Variants in CPQ observed in about 807,000 individuals in gnomAD.
The protein encoded by CPQ is Ser-Met dipeptidase.
A neutral mutation model predicts 45.7 loss-of-function variants in CPQ; 37 were observed. That is an observed-to-expected ratio of 0.81 (90% CI 0.62 to 1.07). The LOEUF (loss-of-function observed/expected upper bound fraction) is 1.07. CPQ is among the 50% of genes least tolerant of loss of function. CPQ has a pLI of 0.00. For missense variants in CPQ, 537 were observed against 572.9 expected (o/e 0.94, Z 0.64); for synonymous variants, 186 against 205.8 (o/e 0.90, Z 0.82).
At chr8:97,059,794 A>T (rs1224874866) in intron 6 of CPQ, among the ~76,000 whole-genome samples, 1 of 152,158 alleles carries the variant, frequency 6.6e-6, no homozygotes, top group Non-Finnish European at 1.5e-5. Flanking sequence ...CACCTGACCA[A>T]ACAGCATCAC....
intron 3 of CPQ, among the ~76,000 whole-genome samples, chr8:96,864,240 G>A (rs1475950778): frequency 6.6e-6 from 1 of 151,972 alleles, no homozygotes; most frequent in Non-Finnish European, 1.5e-5. Context: ...GCTGACCTAG[G>A]CACCTAGTAT....
chr8:97,040,667 G>T (rs539219147), intron 6 of CPQ, among the ~76,000 whole-genome samples: 1 of 152,138 alleles, frequency 6.6e-6, no homozygotes, highest in Non-Finnish European at 1.5e-5. Flanking sequence ...TGTATAAGGT[G>T]TAAGGAAAGG....
At chr8:96,894,109 T>A (rs1586441374) in intron 4 of CPQ, among the ~76,000 whole-genome samples, 1 of 152,172 alleles carries the variant, frequency 6.6e-6, no homozygotes, top group African/African-American at 2.4e-5. Context: ...GACACTGACT[T>A]CTTCTGCTAT....
At chr8:97,094,669 C>T (rs1811182109) in intron 7 of CPQ, among the ~76,000 whole-genome samples, 1 of 152,126 alleles carries the variant, frequency 6.6e-6, no homozygotes, top group African/African-American at 2.4e-5. Context: ...CTCAAACTGG[C>T]AATTATTTAT....
intron 4 of CPQ, among the ~76,000 whole-genome samples, chr8:96,900,491 G>A (rs924237785): frequency 1.3e-5 from 2 of 152,144 alleles, no homozygotes; most frequent in African/African-American, 4.8e-5. Flanking sequence ...GGCAGAGATC[G>A]ATAGATAGTT....
intron 1 of CPQ, among the ~76,000 whole-genome samples, chr8:96,741,440 A>C (rs1810090306): frequency 6.6e-6 from 1 of 151,834 alleles, no homozygotes; most frequent in Admixed American, 6.6e-5. Flanking sequence ...CGGATTCGTT[A>C]ATTTTTTGAA....
In CPQ at chr8:97,022,147, T is replaced by C. The variant is rs914664200; in HGVS notation, c.962-7256T>C. Among the ~76,000 whole-genome samples the C allele has an allele frequency of 4.2e-4, 64 of 152,254 alleles. No individual in the cohort carries two copies. The Middle Eastern group carries it at 0.01, about 24-fold the overall frequency. ...GTAAAGTTGGGAAAGGACACCCTAT[T>C]CAACAAATGGTGCTGGGATAATTGG... On this transcript the variant is annotated intron_variant, in intron 5 of 7. Coordinates refer to ENST00000220763, the MANE Select transcript of CPQ (RefSeq NM_016134.4).
chr8:96,898,726 TG>T (rs1355630806), intron 4 of CPQ, among the ~76,000 whole-genome samples: 1 of 147,076 alleles, frequency 6.8e-6, no homozygotes, highest in Non-Finnish European at 1.5e-5. Context: ...TGTATATATA[TG>T]TAACTAACCT....
chr8:96,772,632 TAAG>T (rs1430906398), intron 1 of CPQ, among the ~76,000 whole-genome samples: 3 of 152,050 alleles, frequency 2.0e-5, no homozygotes, highest in African/African-American at 7.2e-5. Flanking sequence ...CAGGAGAGAT[TAAG>T]AAGGAGAGCA....
intron 2 of CPQ, 56 bp downstream of exon 2, chr8:96,785,386 G>A: frequency 7.4e-7 from 1 of 1,350,414 alleles, no homozygotes; most frequent in Non-Finnish European, 1.0e-6. Context: ...GTCCCTTGGT[G>A]TAATTGAGTA....
chr8:97,081,023 CAT>C (rs1379529376), intron 7 of CPQ, among the ~76,000 whole-genome samples: 1 of 150,970 alleles, frequency 6.6e-6, no homozygotes, highest in Non-Finnish European at 1.5e-5. Context: ...TATGTAGAAA[CAT>C]AGCGTGGACT....
intron 7 of CPQ, among the ~76,000 whole-genome samples, chr8:97,066,800 T>C (rs1432692945): frequency 3.9e-5 from 6 of 151,924 alleles, no homozygotes; most frequent in African/African-American, 1.2e-4. Flanking sequence ...TGATTTATCA[T>C]GTGAATATCC....
Position 96,772,489 on chromosome 8 carries a change from G to C in CPQ, c.-34-12375G>C, listed in dbSNP as rs144136097. On this transcript the variant is annotated intron_variant, in intron 1 of 7. Transcript: ENST00000220763. ...AACTGAGAGAGCTCACTCAGTTATA[G>C]ATGAGCTCAAATGATATATGGTGCC... Among the ~76,000 whole-genome samples the C allele has an allele frequency of 7.2e-4, 109 of 152,158 alleles. 1 individual carries two copies. The East Asian group carries it at 0.02, about 28-fold the overall frequency.
rs1283502975 is a variant in CPQ, at chr8:96,885,628, AG to A, written c.849+5624del. On this transcript the variant is annotated intron_variant, in intron 4 of 7. Coordinates refer to ENST00000220763, the MANE Select transcript of CPQ (RefSeq NM_016134.4). ...AGAAAAGTGTATATGTGATTGATAA[AG>A]TATTAGTACATTTCAAAACCCTGTT... is the stretch of plus-strand genomic sequence containing the variant. Among the ~76,000 whole-genome samples the A allele has an allele frequency of 2.0e-5, 3 of 152,228 alleles. No individual in the cohort carries two copies. In the East Asian group the frequency reaches 5.8e-4, roughly 29 times the overall value.
At chr8:96,778,006 G>C (rs1179826725) in intron 1 of CPQ, among the ~76,000 whole-genome samples, 1 of 150,958 alleles carries the variant, frequency 6.6e-6, no homozygotes, top group East Asian at 1.9e-4. Flanking sequence ...GGGATTACAG[G>C]AGTGAGCCAC....
At chr8:96,667,356 T>C (rs988270611) in intron 1 of CPQ, among the ~76,000 whole-genome samples, 6 of 150,934 alleles carry the variant, frequency 4.0e-5, no homozygotes, top group African/African-American at 7.3e-5. Flanking sequence ...TTTTTCTTTT[T>C]TTTTTTTTTT....
At chr8:96,790,827 A>C (rs572745997) in intron 2 of CPQ, among the ~76,000 whole-genome samples, 41 of 152,064 alleles carry the variant, frequency 2.7e-4, no homozygotes, top group Non-Finnish European at 4.6e-4. Flanking sequence ...TTTTTAAATA[A>C]TTTTTCCCAC....
intron 2 of CPQ, among the ~76,000 whole-genome samples, chr8:96,804,312 T>A (rs966395767): frequency 1.3e-5 from 2 of 152,146 alleles, no homozygotes; most frequent in Non-Finnish European, 2.9e-5. Flanking sequence ...AAATTATTTT[T>A]AGAGTGAGGA....
At chr8:96,913,011 C>G (rs947433141) in intron 4 of CPQ, among the ~76,000 whole-genome samples, 1 of 152,214 alleles carries the variant, frequency 6.6e-6, no homozygotes, top group Non-Finnish European at 1.5e-5. Flanking sequence ...TCCTGCTCCT[C>G]TCCTCCCACC....
Sources: allele counts gnomAD v4.1 joint callset (sites outside exome capture counted in the v4.1 genomes callset), GRCh38; gene constraint gnomAD v4.1.1; transcripts MANE v1.5; gene names NCBI Gene and HGNC (gene_info 2026-07-23, HGNC 2026-07-21).